Variants in RERE observed in about 807,000 individuals in gnomAD.
RERE encodes the protein arginine-glutamic acid dipeptide repeats protein.
Under a neutral mutation model 146.1 loss-of-function variants are expected in RERE, and 40 were observed. The ratio of observed to expected loss-of-function variants is 0.27; its 90% CI spans 0.21 to 0.36. The LOEUF is 0.36. RERE is among the 10% of genes least tolerant of loss of function. RERE has a pLI of 1.00. For missense variants in RERE, 1,933 were observed against 2,138.7 expected (o/e 0.90, Z 1.90); for synonymous variants, 1,003 against 866.0 (o/e 1.16, Z -2.78).
chr1:8,772,881 G>A (rs985341739), intron 1 of RERE, among the ~76,000 whole-genome samples: 3 of 152,152 alleles, frequency 2.0e-5, no homozygotes, highest in African/African-American at 7.2e-5. Flanking sequence ...TTGAGGCCAG[G>A]AGTTCAAGGC....
chr1:8,357,667 G>A (rs1030657937), intron 20 of RERE, among the ~76,000 whole-genome samples: 1 of 152,226 alleles, frequency 6.6e-6, no homozygotes, highest in African/African-American at 2.4e-5. Flanking sequence ...TGGTCAATGA[G>A]TGGCCTTAAG....
chr1:8,783,966 C>T (rs1641215716), intron 1 of RERE, among the ~76,000 whole-genome samples: 1 of 152,140 alleles, frequency 6.6e-6, no homozygotes, highest in African/African-American at 2.4e-5. Flanking sequence ...CCTAAGAGCC[C>T]CCAGAAGGAA....
At chr1:8,608,524 CA>C (rs1469916149) in intron 4 of RERE, among the ~76,000 whole-genome samples, 2 of 151,894 alleles carry the variant, frequency 1.3e-5, no homozygotes, top group Admixed American at 6.6e-5. Flanking sequence ...AAAAAAACCC[CA>C]AAACATGAAA....
intron 7 of RERE, among the ~76,000 whole-genome samples, chr1:8,538,583 A>G (rs1645757269): frequency 6.6e-6 from 1 of 152,242 alleles, no homozygotes. Flanking sequence ...AGTAGGCTGC[A>G]TTAGCTCCAC....
intron 2 of RERE, among the ~76,000 whole-genome samples, chr1:8,635,929 C>T (rs550741768): frequency 7.6e-4 from 114 of 150,606 alleles, no homozygotes; most frequent in African/African-American, 2.3e-3. Flanking sequence ...AACTGTATGT[C>T]TTCAATTATT....
chr1:8,439,663 C>T (rs1183703232), intron 11 of RERE, among the ~76,000 whole-genome samples: 2 of 152,192 alleles, frequency 1.3e-5, no homozygotes, highest in Non-Finnish European at 2.9e-5. Flanking sequence ...CACCCCCTGG[C>T]GGTTCCAGGT....
chr1:8,740,180 CA>C (rs1640280402), intron 1 of RERE, among the ~76,000 whole-genome samples: 1 of 152,188 alleles, frequency 6.6e-6, no homozygotes, highest in Non-Finnish European at 1.5e-5. Context: ...GATATATGTT[CA>C]TCCTTGTGTG....
At chr1:8,599,280 T>C (rs550546021) in intron 4 of RERE, among the ~76,000 whole-genome samples, 7 of 152,328 alleles carry the variant, frequency 4.6e-5, no homozygotes, top group Non-Finnish European at 1.0e-4. Context: ...ACCCCAACCC[T>C]GTCCACGGTT....
At chr1:8,752,626 T>C (rs759017909) in intron 1 of RERE, among the ~76,000 whole-genome samples, 2 of 152,184 alleles carry the variant, frequency 1.3e-5, no homozygotes, top group Non-Finnish European at 2.9e-5. Flanking sequence ...AGGCTGTAGA[T>C]AAAAACAAGG....
intron 10 of RERE, among the ~76,000 whole-genome samples, chr1:8,467,889 C>T (rs751660337): frequency 9.9e-5 from 15 of 152,180 alleles, no homozygotes; most frequent in Non-Finnish European, 2.2e-4. Flanking sequence ...CGTGATCCAC[C>T]CGCCTCGGCC....
At chr1:8,425,216 T>C (rs919920314) in intron 11 of RERE, 1 of 152,272 alleles carries the variant, frequency 6.6e-6, no homozygotes, top group Admixed American at 6.5e-5. Flanking sequence ...TAATCCATTC[T>C]TCAAGTATTC....
intron 1 of RERE, among the ~76,000 whole-genome samples, chr1:8,682,903 G>A (rs989037032): frequency 6.6e-6 from 1 of 151,728 alleles, no homozygotes; most frequent in Non-Finnish European, 1.5e-5. Flanking sequence ...GAAGGTAACA[G>A]ATTCAATGAT....
Position 8,639,751 on chromosome 1 carries a change from A to C in RERE, c.326-15371T>G, listed in dbSNP as rs139278384. 3.6e-4 allele frequency among the ~76,000 whole-genome samples: 55 copies of C among 152,272 alleles called. No individual in the cohort carries two copies. The East Asian group carries it at 0.01, about 29-fold the overall frequency. ...ATACCAGGTGAGACCTTTTTGTGAC[A>C]TTTCCTTTCCCTCTACTAAAAAGGA... On this transcript the variant is annotated intron_variant, in intron 2 of 22. Transcript: ENST00000400908.
chr1:8,382,980 T>A (rs180813278), intron 12 of RERE, among the ~76,000 whole-genome samples: 2 of 150,096 alleles, frequency 1.3e-5, no homozygotes, highest in Non-Finnish European at 3.0e-5. Flanking sequence ...AGAACTAAGT[T>A]CACCTTAAAG....
chr1:8,489,024 T>C (rs1355683392), intron 10 of RERE, among the ~76,000 whole-genome samples: 1 of 152,138 alleles, frequency 6.6e-6, no homozygotes, highest in African/African-American at 2.4e-5. Flanking sequence ...AGCTTCAGCA[T>C]AACTATATAT....
intron 6 of RERE, among the ~76,000 whole-genome samples, chr1:8,548,898 T>C (rs1326475486): frequency 6.6e-6 from 1 of 151,974 alleles, no homozygotes; most frequent in Non-Finnish European, 1.5e-5. Context: ...AGCAGAGAAT[T>C]GCATGAACCC....
intron 1 of RERE, among the ~76,000 whole-genome samples, chr1:8,686,675 G>A (rs1308984553): frequency 6.6e-6 from 1 of 152,160 alleles, no homozygotes; most frequent in African/African-American, 2.4e-5. Flanking sequence ...ACTTGAACCC[G>A]GGAGGTGGCG....
chr1:8,730,963 A>C (rs1640067815), intron 1 of RERE, among the ~76,000 whole-genome samples: 1 of 152,208 alleles, frequency 6.6e-6, no homozygotes, highest in African/African-American at 2.4e-5. Flanking sequence ...CAGCTAAACA[A>C]ACTGAAATCA....
At chr1:8,587,211 A>G (rs1180535621) in intron 4 of RERE, among the ~76,000 whole-genome samples, 2 of 152,208 alleles carry the variant, frequency 1.3e-5, no homozygotes, top group Non-Finnish European at 2.9e-5. Context: ...CAGGCTTTAA[A>G]ATTATGGAGA....
Sources: gnomAD v4.1 joint callset for allele counts (sites outside exome capture counted in the v4.1 genomes callset) on GRCh38, gnomAD v4.1.1 for gene constraint, MANE v1.5 for transcripts, NCBI Gene and HGNC (gene_info 2026-07-23, HGNC 2026-07-21) for gene names.